MACF1: variants seen among roughly 807,000 people sequenced by gnomAD.
MACF1 encodes the protein microtubule-actin cross-linking factor 1.
In MACF1, 193 loss-of-function variants were observed where a neutral mutation model predicts 854.8. The observed-to-expected ratio is 0.23, with a 90% CI of 0.20 to 0.25. The LOEUF (loss-of-function observed/expected upper bound fraction) is 0.25, where lower values mean the gene tolerates loss of function less well. MACF1 is among the 10% of genes least tolerant of loss of function. The pLI, the probability that MACF1 is intolerant of heterozygous loss-of-function variation, is 1.00. For missense variants in MACF1, 7,722 were observed against 8,929.1 expected (o/e 0.86, Z 5.45); for synonymous variants, 3,185 against 3,226.7 (o/e 0.99, Z 0.44).
At chr1:39,369,310 C>T (rs1649025748) in intron 50 of MACF1, among the ~76,000 whole-genome samples, 1 of 152,164 alleles carries the variant, frequency 6.6e-6, no homozygotes, top group Admixed American at 6.6e-5. Flanking sequence ...AACAAGACTT[C>T]TTATCTAAGT....
At chr1:39,239,284 AAAACAAACAAAC>A (rs113965164) in intron 2 of MACF1, among the ~76,000 whole-genome samples, 13 of 150,750 alleles carry the variant, frequency 8.6e-5, no homozygotes, top group East Asian at 2.0e-4. Flanking sequence ...CTGTCTCAAA[AAAACAAACAAAC>A]AAACAAACAA....
intron 58 of MACF1, among the ~76,000 whole-genome samples, chr1:39,403,641 A>G (rs1354228463): frequency 6.6e-6 from 1 of 152,130 alleles, no homozygotes; most frequent in African/African-American, 2.4e-5. Context: ...CTCTCTGGTC[A>G]GTTGTGAAGC....
In MACF1 at chr1:39,315,827, G is replaced by C; in HGVS notation, c.3449+136G>C. ...GCATATACTGATAATGAGAGGTCTT[G>C]GCTTCAGTTCCTAGTAACATTAAGT... On this transcript the variant is annotated intron_variant, in intron 27 of 100. Coordinates refer to ENST00000564288, the MANE Select transcript of MACF1 (RefSeq NM_001394062.1). 4 of 822,790 alleles carry C rather than the reference G, an allele frequency of 4.9e-6. No homozygotes were observed. In the South Asian group the frequency reaches 9.1e-5, roughly 19 times the overall value. 51.0% of individuals were successfully genotyped at this position (822,790 alleles called of 1,614,324 possible).
chr1:39,313,730 CT>C (rs1646349783), intron 26 of MACF1, among the ~76,000 whole-genome samples: 1 of 152,054 alleles, frequency 6.6e-6, no homozygotes, highest in African/African-American at 2.4e-5. Flanking sequence ...TTCAAGCTGG[CT>C]TTTTTGTCCT....
At chr1:39,115,390 G>A (rs1419939225) in intron 2 of MACF1, among the ~76,000 whole-genome samples, 1 of 152,052 alleles carries the variant, frequency 6.6e-6, no homozygotes, top group African/African-American at 2.4e-5. Flanking sequence ...TATATGAGGG[G>A]GAGAGGGAAG....
intron 58 of MACF1, chr1:39,411,521 A>G (rs1643005792): frequency 6.2e-7 from 1 of 1,613,542 alleles, no homozygotes; most frequent in African/African-American, 1.3e-5. Flanking sequence ...CTGGATTGCG[A>G]TTGTGTTCTT....
intron 2 of MACF1, among the ~76,000 whole-genome samples, chr1:39,185,503 T>TA (rs879320616): frequency 0.015 from 2,222 of 146,398 alleles, 24 homozygotes; most frequent in African/African-American, 0.034. Context: ...CCAGTTTCTT[T>TA]AAAAAAAAAA....
At chr1:39,361,747 G>T (rs1372969204) in intron 49 of MACF1, 70 bp downstream of exon 49, 10 of 1,449,462 alleles carry the variant, frequency 6.9e-6, no homozygotes, top group Non-Finnish European at 9.6e-6. Context: ...AGCATTTGCT[G>T]AGCGCATACT....
In MACF1 at chr1:39,439,423, A is replaced by G. The variant is rs1644054006; in HGVS notation, c.18370A>G (p.Thr6124Ala). Residue 6124 changes from threonine to alanine, a missense_variant, in exon 72 of 101, where the codon ACC (threonine) becomes GCC (alanine). Coordinates refer to ENST00000564288, the MANE Select transcript of MACF1 (RefSeq NM_001394062.1). ...MAALLTTIKDTQDIVHDLESP... is the reference protein window; with the variant it reads ...MAALLTTIKDAQDIVHDLESP... ...AGCTCTCCTGACCACCATCAAAGAC[A>G]CCCAGGATATTGTCCATGACTTGGA... The G allele has an allele frequency of 3.7e-6, 6 of 1,614,180 alleles. No homozygotes were observed. Among genetic ancestry groups the G allele is most frequent in the South Asian group, 1.1e-5 (1 of 91,082 alleles).
At chr1:39,235,394 C>T (rs1015384805) in intron 2 of MACF1, among the ~76,000 whole-genome samples, 2 of 152,256 alleles carry the variant, frequency 1.3e-5, no homozygotes, top group Admixed American at 6.5e-5. Context: ...ACTCGGCAGG[C>T]TGAGTCAGGA....
chr1:39,254,277 C>A (rs1382477357), intron 4 of MACF1, 21 bp from the exon 5 acceptor site: 3 of 1,598,876 alleles, frequency 1.9e-6, no homozygotes, highest in Non-Finnish European at 2.6e-6. Context: ...AATTAACATC[C>A]CTTTTTTTGT....
At chr1:39,163,617 G>A (rs1318561198) in intron 2 of MACF1, among the ~76,000 whole-genome samples, 2 of 151,966 alleles carry the variant, frequency 1.3e-5, no homozygotes, top group Non-Finnish European at 2.9e-5. Flanking sequence ...GTCCTTTTTG[G>A]TTCTCTTAGT....
chr1:39,084,556 T>G lies in MACF1; in HGVS notation c.220+118T>G. 1 of 774,844 alleles carries G rather than the reference T, an allele frequency of 1.3e-6. No individual in the cohort carries two copies. Among genetic ancestry groups the G allele is most frequent in the Non-Finnish European group, 2.0e-6 (1 of 488,146 alleles). 48.0% of individuals were successfully genotyped at this position (774,844 alleles called of 1,614,324 possible). A position where few individuals can be genotyped will look rare whatever the true frequency, so the allele number is the denominator to read the frequency against. On this transcript the variant is annotated intron_variant, in intron 2 of 93. Transcript: ENST00000361689. The surrounding 1 kb of genome is among the most constrained non-coding windows in gnomAD (Gnocchi z 5.2). ...ACCAGGGCCTCTGACAAAGCAGCCA[T>G]CATCTGATTTGTTATTATTATTCTT...
Position 39,435,343 on chromosome 1 carries a change from A to T in MACF1, c.17785-215A>T, listed in dbSNP as rs533917884. The stretch of plus-strand genomic sequence containing the variant: ...AGGAAGGCTGCTAGGGTGATGAGAC[A>T]TCAGAACTGACTTTCAAAAATTAAA... On this transcript the variant is annotated intron_variant, in intron 69 of 100. Coordinates refer to ENST00000564288, the MANE Select transcript of MACF1 (RefSeq NM_001394062.1). 5.3e-5 allele frequency among the ~76,000 whole-genome samples: 8 copies of T among 152,308 alleles called. No homozygotes were observed. In the South Asian group the frequency reaches 1.7e-3, roughly 32 times the overall value.
chr1:39,410,797 A>T, intron 58 of MACF1: 5 of 1,613,986 alleles, frequency 3.1e-6, no homozygotes, highest in Non-Finnish European at 4.2e-6. Context: ...ATTAACAGAA[A>T]GTTCTGGTCA....
At chr1:39,311,037 G>A (rs1646289319) in intron 26 of MACF1, 37 bp downstream of exon 26, 1 of 1,591,588 alleles carries the variant, frequency 6.3e-7, no homozygotes, top group African/African-American at 1.3e-5. Flanking sequence ...TGGTTGTGGA[G>A]TGAATGCTTT....
At chr1:39,458,513 T>C in intron 90 of MACF1, 23 bp downstream of exon 90, 1 of 1,599,260 alleles carries the variant, frequency 6.3e-7, no homozygotes, top group Non-Finnish European at 8.5e-7. Context: ...CCCCCTGTGT[T>C]AGGATGCTTC....
intron 2 of MACF1, among the ~76,000 whole-genome samples, chr1:39,144,891 C>A (rs984116284): frequency 2.0e-5 from 3 of 152,164 alleles, no homozygotes; most frequent in Non-Finnish European, 4.4e-5. Flanking sequence ...TGGTCACAAC[C>A]TCCTTTTTTC....
rs1643957076 is a variant in MACF1 at position 39,435,616 on chromosome 1, G to T, written c.17843G>T (p.Gly5948Val). 6.2e-7 allele frequency: 1 copy of T among 1,613,996 alleles called. No homozygotes were observed. The highest frequency in any genetic ancestry group is 1.7e-5 in the Admixed American group (1 of 59,992). Residue 5948 changes from glycine (G) to valine (V), a missense_variant, in exon 70 of 101, where the codon GGC becomes GTC. Around this residue, in one of 15 missense-constraint regions of MACF1, gnomAD observed 2,807 missense variants for 3,235.8 expected, o/e 0.87. Transcript: ENST00000564288. The part of the protein sequence containing the change: ...KPHIDKLLKI[G>V]PQLKELNPEE... ...CATATTGACAAACTACTAAAGATAGGCCCACAACTAAAGGAATTAAACCCT... is the reference window on the plus strand; with the variant it reads ...CATATTGACAAACTACTAAAGATAGTCCCACAACTAAAGGAATTAAACCCT...
Sources: allele counts gnomAD v4.1 joint callset (sites outside exome capture counted in the v4.1 genomes callset), GRCh38; gene constraint gnomAD v4.1.1; regional missense constraint gnomAD v4.1.1; non-coding constraint Gnocchi (gnomAD v3.1); transcripts MANE v1.5; gene names NCBI Gene and HGNC (gene_info 2026-07-23, HGNC 2026-07-21).